The following NRG4 variants were observed in gnomAD, a reference collection of about 807,000 sequenced individuals.
NRG4 encodes the protein neuregulin 4, also known as pro-neuregulin-4, membrane-bound isoform.
A neutral mutation model predicts 15.0 loss-of-function variants in NRG4; 10 were observed. That is an observed-to-expected ratio of 0.67 (90% CI 0.41 to 1.13). NRG4 has a LOEUF of 1.13. NRG4 is among the 50% of genes most tolerant of loss of function. The probability of loss-of-function intolerance (pLI) is 0.00; values close to 1 mark genes in which losing one functional copy is unlikely to be tolerated. For synonymous variants in NRG4, 41 were observed against 50.1 expected (o/e 0.82, Z 0.77); for missense variants, 139 against 140.2 (o/e 0.99, Z 0.04).
chr15:75,945,048 T>A lies in NRG4; in HGVS notation c.332-1394A>T, dbSNP rs139305939. Among the ~76,000 whole-genome samples, 412 of 151,864 alleles carry A rather than the reference T, an allele frequency of 2.7e-3. 2 individuals carry two copies. The highest frequency in any genetic ancestry group is 9.6e-3 in the African/African-American group (395 of 41,266). On this transcript the variant is annotated intron_variant, in intron 5 of 5. Coordinates refer to ENST00000394907, the MANE Select transcript of NRG4 (RefSeq NM_138573.4). Reference sequence around the variant, plus strand: ...AAGTCCTTACCATGTCACTGAACATTCTGGGGAAAAGAAAAAAATCAAGAG... The same window carrying A: ...AAGTCCTTACCATGTCACTGAACATACTGGGGAAAAGAAAAAAATCAAGAG...
upstream of NRG4, chr15:76,059,885 G>A (rs1262316138): frequency 6.8e-6 from 1 of 146,048 alleles, no homozygotes; most frequent in Non-Finnish European, 1.5e-5. Context: ...GCGCCCCCGA[G>A]CGCGGTGGGC....
In NRG4 at chr15:75,961,955, C is replaced by T. The variant is rs2032545708; in HGVS notation, c.124G>A (p.Gly42Arg). 6.2e-7 allele frequency: 1 copy of T among 1,612,634 alleles called. No individual in the cohort carries two copies. The highest frequency in any genetic ancestry group is 8.5e-7 in the Non-Finnish European group (1 of 1,179,178). Residue 42 changes from glycine to arginine, a missense_variant, in exon 4 of 6, where the codon GGA becomes AGA. Physicochemically the swap from Gly to Arg is moderately radical, Grantham distance 125. Transcript: ENST00000394907. ...AGAAAAACCTCTTCACAACGAGCTCCTGTATAGTTTTCAACGCACCTACAG... is the reference window on the plus strand; with the variant it reads ...AGAAAAACCTCTTCACAACGAGCTCTTGTATAGTTTTCAACGCACCTACAG... ...PFCRCVENYT[G>R]ARCEEVFLPG... is the part of the protein sequence containing the mutation.
At position 75,977,290 on chromosome 15, in the gene NRG4, C is replaced by T. The variant is rs969525805; in HGVS notation, c.105-15316G>A. On this transcript the variant is annotated intron_variant, in intron 3 of 5. Transcript: ENST00000394907. This position sits in a 1 kb window ranked among gnomAD's most constrained non-coding sequence, Gnocchi z 4.9. ...GGGTGGGATCCACTGAGCTAGACCA[C>T]TTGGCTCCCTGGCTTCAGCCCCCTT... 2.6e-5 allele frequency among the ~76,000 whole-genome samples: 4 copies of T among 152,180 alleles called. No homozygotes were observed. Among genetic ancestry groups the T allele is most frequent in the Non-Finnish European group, 4.4e-5 (3 of 68,028 alleles).
At position 75,940,972 on chromosome 15, in the gene NRG4, A is replaced by C. The variant is rs996817949; in HGVS notation, c.*2666T>G. ...TACTTCATTAAAATTTTGTGCATCA[A>C]AGAACACTATCAACAGAGTAAAAAG... On this transcript the variant is annotated 3_prime_UTR_variant, in exon 6 of 6. Coordinates refer to ENST00000394907, the MANE Select transcript of NRG4 (RefSeq NM_138573.4). 3 of 152,182 alleles carry C rather than the reference A, an allele frequency of 2.0e-5. No homozygotes were observed. The highest frequency in any genetic ancestry group is 4.4e-5 in the Non-Finnish European group (3 of 67,994). The allele number at this position is 152,182 out of a possible 1,614,324, so 9.4% of individuals were successfully genotyped here. A position where few individuals can be genotyped will look rare whatever the true frequency, so the allele number is the denominator to read the frequency against.
chr15:75,939,067 C>G (rs902169420), downstream of NRG4: 5 of 151,916 alleles, frequency 3.3e-5, no homozygotes, highest in African/African-American at 7.3e-5. Context: ...ATACTAAATC[C>G]AAAGCTAGCA....
intron 5 of NRG4, among the ~76,000 whole-genome samples, chr15:76,031,523 A>G (rs553786712): frequency 1.1e-4 from 17 of 152,312 alleles, no homozygotes; most frequent in Admixed American, 5.2e-4. Context: ...CCCCATCTCT[A>G]TTAAAATACA....
At chr15:76,007,554 C>T (rs1391786491) in intron 3 of NRG4, among the ~76,000 whole-genome samples, 7 of 151,652 alleles carry the variant, frequency 4.6e-5, no homozygotes, top group African/African-American at 9.7e-5. Context: ...CTCAGCCTCC[C>T]GAGTAGCTGG....
intron 4 of NRG4, among the ~76,000 whole-genome samples, chr15:75,957,392 T>C (rs530212668): frequency 1.3e-5 from 2 of 152,290 alleles, no homozygotes; most frequent in East Asian, 3.9e-4. Context: ...AAATTTGGGG[T>C]TAACTGTTTT....
chr15:75,986,773 C>T lies in NRG4; in HGVS notation c.104+22427G>A, dbSNP rs188168038. On this transcript the variant is annotated intron_variant, in intron 3 of 5. Transcript: ENST00000394907. ...CCAAGTATTTTATTTCTTTGCCAGA[C>T]AATGGTAACTATCTTGGAGGCAAAA... Among the ~76,000 whole-genome samples, 436 of 152,138 alleles carry T rather than the reference C, an allele frequency of 2.9e-3. 4 individuals are homozygous for T. The highest frequency in any genetic ancestry group is 4.8e-3 in the Non-Finnish European group (329 of 68,006).
chr15:76,029,160 A>G (rs1056969224), intron 5 of NRG4, among the ~76,000 whole-genome samples: 2 of 152,210 alleles, frequency 1.3e-5, no homozygotes, highest in African/African-American at 4.8e-5. Flanking sequence ...AAATCAATCA[A>G]TATGATACAT....
chr15:75,974,428 T>G (rs2033268434), intron 3 of NRG4, among the ~76,000 whole-genome samples: 1 of 152,206 alleles, frequency 6.6e-6, no homozygotes, highest in South Asian at 2.1e-4. Context: ...TGTTTGTTCT[T>G]GCTTCCTCGT....
At chr15:75,938,886 AAAG>A (rs2030653134), downstream of NRG4, 1 of 152,210 alleles carries the variant, frequency 6.6e-6, no homozygotes, top group African/African-American at 2.4e-5. Flanking sequence ...CCAATGGGTC[AAAG>A]AAGAAATCAC....
chr15:76,006,564 A>G (rs2034615368), intron 3 of NRG4, among the ~76,000 whole-genome samples: 1 of 152,096 alleles, frequency 6.6e-6, no homozygotes, highest in African/African-American at 2.4e-5. Flanking sequence ...CAGAATACAC[A>G]TTCACGTTGC....
At chr15:76,050,394 C>T (rs1295161924) in intron 4 of NRG4, among the ~76,000 whole-genome samples, 1 of 148,302 alleles carries the variant, frequency 6.7e-6, no homozygotes, top group Non-Finnish European at 1.5e-5. Flanking sequence ...AGTATGACAG[C>T]ATCTCATCTA....
At chr15:75,998,095 A>G (rs761141969) in intron 3 of NRG4, among the ~76,000 whole-genome samples, 3 of 152,232 alleles carry the variant, frequency 2.0e-5, no homozygotes, top group African/African-American at 4.8e-5. Context: ...GAATTAACAG[A>G]AAAATTATTA....
intron 3 of NRG4, among the ~76,000 whole-genome samples, chr15:75,964,108 T>C (rs2032673045): frequency 6.6e-6 from 1 of 152,024 alleles, no homozygotes; most frequent in Admixed American, 6.6e-5. Context: ...CTCTTCCAGC[T>C]CCAATTCCTG....
intron 3 of NRG4, among the ~76,000 whole-genome samples, chr15:75,988,161 A>G (rs1324246429): frequency 1.3e-5 from 2 of 152,180 alleles, no homozygotes; most frequent in African/African-American, 4.8e-5. Flanking sequence ...GAGGATGCCG[A>G]CGTCAAAGAG....
downstream of NRG4, chr15:75,939,641 A>G (rs995053910): frequency 1.1e-4 from 16 of 152,210 alleles, 1 homozygote; most frequent in Admixed American, 9.8e-4. Context: ...ACAATTGTCA[A>G]TACTAGGAAA....
chr15:76,029,798 T>G (rs1237627637), intron 5 of NRG4, among the ~76,000 whole-genome samples: 2 of 152,160 alleles, frequency 1.3e-5, no homozygotes, highest in Non-Finnish European at 2.9e-5. Context: ...AATGGGAAGA[T>G]ATGCTCATGG....
Sources: gnomAD v4.1 joint callset for allele counts (sites outside exome capture counted in the v4.1 genomes callset) on GRCh38, gnomAD v4.1.1 for gene constraint, Gnocchi (gnomAD v3.1) non-coding constraint, MANE v1.5 for transcripts, NCBI Gene and HGNC (gene_info 2026-07-23, HGNC 2026-07-21) for gene names.